The following RANBP10 variants were observed in gnomAD, a reference collection of about 807,000 sequenced individuals.
RANBP10 encodes the protein RAN binding protein 10.
RANBP10 carries 24 observed loss-of-function variants against 72.8 expected under a neutral mutation model. That is an observed-to-expected ratio of 0.33 (90% CI 0.24 to 0.46). The LOEUF (loss-of-function observed/expected upper bound fraction) is 0.46. Ranked by LOEUF, RANBP10 falls within the 20% of genes least tolerant of loss-of-function variation. The pLI, the probability that RANBP10 is intolerant of heterozygous loss-of-function variation, is 1.00. For missense variants in RANBP10, 679 were observed against 817.5 expected (o/e 0.83, Z 2.07); for synonymous variants, 310 against 322.3 (o/e 0.96, Z 0.41).
intron 4 of RANBP10, among the ~76,000 whole-genome samples, chr16:67,743,055 C>T (rs1449413462): frequency 6.6e-6 from 1 of 152,232 alleles, no homozygotes; most frequent in Non-Finnish European, 1.5e-5. Context: ...CAACTCTTGG[C>T]TGGGGCATCC....
intron 3 of RANBP10, among the ~76,000 whole-genome samples, chr16:67,750,842 C>T (rs1461580576): frequency 1.3e-5 from 2 of 149,074 alleles, no homozygotes. Context: ...TCTCGGCTCA[C>T]TGCAAGCTCC....
intron 3 of RANBP10, among the ~76,000 whole-genome samples, chr16:67,762,283 CTAATATT>C (rs1204730407): frequency 4.6e-5 from 7 of 152,122 alleles, no homozygotes; most frequent in Non-Finnish European, 1.0e-4. Flanking sequence ...GTAAGAATAA[CTAATATT>C]TATGTACCCC....
At chr16:67,754,884 T>C (rs2054260042) in intron 3 of RANBP10, among the ~76,000 whole-genome samples, 1 of 152,164 alleles carries the variant, frequency 6.6e-6, no homozygotes, top group Non-Finnish European at 1.5e-5. Context: ...GTAGGCATGG[T>C]TGTCAAAGGG....
At chr16:67,799,092 C>A (rs1422139868) in intron 2 of RANBP10, among the ~76,000 whole-genome samples, 1 of 151,154 alleles carries the variant, frequency 6.6e-6, no homozygotes, top group Non-Finnish European at 1.5e-5. Context: ...CTATTATTAG[C>A]GCCTGGCTAA....
At chr16:67,788,878 T>G (rs759174492) in intron 2 of RANBP10, among the ~76,000 whole-genome samples, 1 of 151,196 alleles carries the variant, frequency 6.6e-6, no homozygotes, top group Non-Finnish European at 1.5e-5. Flanking sequence ...CACACGCCTA[T>G]AGTCCCAGCT....
intron 3 of RANBP10, among the ~76,000 whole-genome samples, chr16:67,745,478 G>T (rs2054053544): frequency 6.6e-6 from 1 of 151,888 alleles, no homozygotes; most frequent in African/African-American, 2.4e-5. Context: ...GGGATTACAG[G>T]TGTGCGCCAC....
At chr16:67,800,654 C>A (rs1438114802) in intron 2 of RANBP10, among the ~76,000 whole-genome samples, 2 of 152,172 alleles carry the variant, frequency 1.3e-5, no homozygotes, top group Non-Finnish European at 2.9e-5. Flanking sequence ...ACCAGACCCG[C>A]TCCCCGAGTT....
intron 3 of RANBP10, among the ~76,000 whole-genome samples, chr16:67,771,480 A>C (rs1009538416): frequency 6.6e-6 from 1 of 151,822 alleles, no homozygotes; most frequent in Non-Finnish European, 1.5e-5. Context: ...CAAGTAGCTG[A>C]GACTACAGGT....
intron 3 of RANBP10, among the ~76,000 whole-genome samples, chr16:67,747,653 G>C (rs1170606731): frequency 1.3e-5 from 2 of 151,882 alleles, no homozygotes; most frequent in African/African-American, 4.8e-5. Context: ...ACAGGCACGC[G>C]CCACTACCAG....
Position 67,730,093 on chromosome 16 carries a change from C to G in RANBP10, c.890-47G>C. On this transcript the variant is annotated intron_variant, in intron 7 of 13. Coordinates refer to ENST00000317506, the MANE Select transcript of RANBP10 (RefSeq NM_020850.3). This position sits in a 1 kb window ranked among gnomAD's most constrained non-coding sequence, Gnocchi z 4.3. ...CAGTGAGCGAGGGCTACAGGCCTCTCCCACAGCCACACACCTGGGATGCTG... is the reference window on the plus strand; with the variant it reads ...CAGTGAGCGAGGGCTACAGGCCTCTGCCACAGCCACACACCTGGGATGCTG... 6.4e-7 allele frequency: 1 copy of G among 1,551,046 alleles called. No individual in the cohort carries two copies. Among genetic ancestry groups the G allele is most frequent in the Admixed American group, 1.7e-5 (1 of 59,478 alleles).
chr16:67,771,096 A>C (rs1294351033), intron 3 of RANBP10, among the ~76,000 whole-genome samples: 1 of 152,084 alleles, frequency 6.6e-6, no homozygotes, highest in Non-Finnish European at 1.5e-5. Flanking sequence ...CTCTGTCTCT[A>C]CAGAAATTAC....
At chr16:67,798,954 C>G (rs1222300201) in intron 2 of RANBP10, among the ~76,000 whole-genome samples, 1 of 152,194 alleles carries the variant, frequency 6.6e-6, no homozygotes, top group African/African-American at 2.4e-5. Context: ...AAGACAGAGT[C>G]TCACTCTGTC....
At chr16:67,750,761 CTT>C (rs914921755) in intron 3 of RANBP10, among the ~76,000 whole-genome samples, 2 of 110,226 alleles carry the variant, frequency 1.8e-5, no homozygotes, top group African/African-American at 3.6e-5. Context: ...TTTTCACTTT[CTT>C]TTTTTTTTTT....
rs2142999130 is a variant in RANBP10, at chr16:67,723,294, T to C, written c.*3134A>G. ...TGTCTGTTGCAGCTGTAGTTACTAA[T>C]GCAGGAAAACCCAATGCAAAGAGGA... On this transcript the variant is annotated 3_prime_UTR_variant, in exon 14 of 14. Coordinates refer to ENST00000317506, the MANE Select transcript of RANBP10 (RefSeq NM_020850.3). The C allele has an allele frequency of 6.5e-6, 1 of 152,766 alleles. No homozygotes were observed. Among genetic ancestry groups the C allele is most frequent in the Middle Eastern group, 3.4e-3 (1 of 294 alleles). 9.5% of individuals were successfully genotyped at this position (152,766 alleles called of 1,614,324 possible).
At chr16:67,739,887 T>G (rs2053932460) in intron 4 of RANBP10, 1 of 152,084 alleles carries the variant, frequency 6.6e-6, no homozygotes, top group Non-Finnish European at 1.5e-5. Flanking sequence ...GGACCACAAC[T>G]ATATAAGCAG....
intron 2 of RANBP10, among the ~76,000 whole-genome samples, chr16:67,774,665 G>C (rs2054666474): frequency 6.6e-6 from 1 of 152,114 alleles, no homozygotes; most frequent in Non-Finnish European, 1.5e-5. Context: ...ATGACACAGG[G>C]AGCAGCCCCA....
intron 6 of RANBP10, among the ~76,000 whole-genome samples, chr16:67,732,235 G>T (rs1186403271): frequency 2.0e-5 from 3 of 152,222 alleles, no homozygotes; most frequent in Admixed American, 6.5e-5. Context: ...GATTTTGCCA[G>T]GCAGAGATAG....
chr16:67,805,679 C>T (rs537153672), intron 1 of RANBP10, 140 bp from the exon 2 acceptor site: 148 of 680,198 alleles, frequency 2.2e-4, no homozygotes, highest in Non-Finnish European at 1.0e-5. Context: ...AATCATTAGA[C>T]AACTGAATAA....
At chr16:67,745,947 G>A (rs1489155456) in intron 3 of RANBP10, among the ~76,000 whole-genome samples, 15 of 151,836 alleles carry the variant, frequency 9.9e-5, no homozygotes, top group African/African-American at 2.9e-4. Flanking sequence ...AACTGAGGTC[G>A]GGAGTTCAAG....
Sources: allele counts gnomAD v4.1 joint callset (sites outside exome capture counted in the v4.1 genomes callset), GRCh38; gene constraint gnomAD v4.1.1; non-coding constraint Gnocchi (gnomAD v3.1); transcripts MANE v1.5; gene names NCBI Gene and HGNC (gene_info 2026-07-23, HGNC 2026-07-21).